The following THAP1 variants were observed in gnomAD, a reference collection of about 807,000 sequenced individuals.
The protein encoded by THAP1 is THAP domain containing 1, also known as THAP domain-containing protein 1.
In THAP1, 6 loss-of-function variants were observed where a neutral mutation model predicts 18.2. The ratio of observed to expected loss-of-function variants is 0.33; its 90% CI spans 0.18 to 0.65. THAP1 has a LOEUF of 0.65. Ranked by LOEUF, THAP1 falls within the 30% of genes least tolerant of loss-of-function variation. The probability of loss-of-function intolerance (pLI) is 0.74; values close to 1 mark genes in which losing one functional copy is unlikely to be tolerated. For missense variants in THAP1, 176 were observed against 253.0 expected, an observed-to-expected ratio of 0.70 and a Z score of 2.06; for synonymous variants, 85 against 90.5, an observed-to-expected ratio of 0.94 and a Z score of 0.34.
intron 2 of THAP1, 108 bp from the exon 3 acceptor site, chr8:42,838,444 T>C: frequency 2.8e-6 from 4 of 1,446,232 alleles, no homozygotes; most frequent in Non-Finnish European, 3.8e-6. Flanking sequence ...CTAGTACTTT[T>C]GTGAGGAAGA....
At chr8:42,839,522 C>A in intron 1 of THAP1, 141 bp from the exon 2 acceptor site, 1 of 880,184 alleles carries the variant, frequency 1.1e-6, no homozygotes. Context: ...AAGATTAGCT[C>A]TAGTTATCTA....
chr8:42,838,174 G>A lies in THAP1; in HGVS notation c.430C>T (p.His144Tyr). ...AGCTGATGAATCCTTTTCCGCTGGTGCATTGTATCCTCCACAGTATAGTTG... is the reference window on the plus strand; with the variant it reads ...AGCTGATGAATCCTTTTCCGCTGGTACATTGTATCCTCCACAGTATAGTTG... ...DHNYTVEDTMHQRKRIHQLEQ... is the reference protein window; with the variant it reads ...DHNYTVEDTMYQRKRIHQLEQ... Residue 144 changes from histidine (H) to tyrosine (Y), a missense_variant, in exon 3 of 3, where the codon CAC becomes TAC. By Grantham distance (83) the His-to-Tyr change is moderately conservative. Transcript: ENST00000254250. 1 of 1,614,108 alleles carries A rather than the reference G, an allele frequency of 6.2e-7. No homozygotes were observed. Among genetic ancestry groups the A allele is most frequent in the Non-Finnish European group, 8.5e-7 (1 of 1,180,038 alleles).
rs1281868483 is a variant in THAP1 at position 42,837,200 on chromosome 8, C to T, written c.*762G>A. ...GAAAAAAGCGTATCATAGATCAGGT[C>T]CCAGTTTTAATTACTTCATTGATGA... On this transcript the variant is annotated 3_prime_UTR_variant, in exon 3 of 3. Coordinates refer to ENST00000254250, the MANE Select transcript of THAP1 (RefSeq NM_018105.3). The T allele has an allele frequency of 6.6e-6, 1 of 152,072 alleles. No homozygotes were observed. Among genetic ancestry groups the T allele is most frequent in the Non-Finnish European group, 1.5e-5 (1 of 68,018 alleles). 9.4% of individuals were successfully genotyped at this position (152,072 alleles called of 1,614,324 possible). A position where few individuals can be genotyped will look rare whatever the true frequency, so the allele number is the denominator to read the frequency against.
chr8:42,842,938 A>C, intron 1 of THAP1, 86 bp downstream of exon 1: 4 of 965,360 alleles, frequency 4.1e-6, no homozygotes, highest in East Asian at 5.1e-5. Context: ...TCGCGCGGAC[A>C]CGCGCCTGGC....
rs181590307 is a variant in THAP1 at position 42,836,886 on chromosome 8, A to T, written c.*1076T>A. ...CACAAAGAACAGAACTCACAGTTTG[A>T]ACAGAAACCTCAGTGTTTAAATCTC... On this transcript the variant is annotated 3_prime_UTR_variant, in exon 3 of 3. Coordinates refer to ENST00000254250, the MANE Select transcript of THAP1 (RefSeq NM_018105.3). The T allele has an allele frequency of 6.6e-6, 1 of 152,412 alleles. No homozygotes were observed. The highest frequency in any genetic ancestry group is 1.9e-4 in the East Asian group (1 of 5,192). The allele number at this position is 152,412 out of a possible 1,614,324, so 9.4% of individuals were successfully genotyped here. A position where few individuals can be genotyped will look rare whatever the true frequency, so the allele number is the denominator to read the frequency against.
At chr8:42,842,316 A>G (rs1484182196) in intron 1 of THAP1, among the ~76,000 whole-genome samples, 2 of 152,220 alleles carry the variant, frequency 1.3e-5, no homozygotes, top group Admixed American at 1.3e-4. Context: ...CCTACTGGAT[A>G]AGACAGCTCT....
In THAP1 at chr8:42,843,006, G is replaced by A. The variant is rs562399150; in HGVS notation, c.71+18C>T. ...ACCCCGGCTGAGACCGGCCCCGCGA[G>A]GCGCGCAGGGTCCTCACTTGTGGAA... On this transcript the variant is annotated intron_variant, in intron 1 of 2. Coordinates refer to ENST00000254250, the MANE Select transcript of THAP1 (RefSeq NM_018105.3). 29 of 1,605,164 alleles carry A rather than the reference G, an allele frequency of 1.8e-5. No homozygotes were observed. Among genetic ancestry groups the A allele is most frequent in the Non-Finnish European group, 2.4e-5 (28 of 1,175,282 alleles).
chr8:42,842,741 C>A (rs879934131), intron 1 of THAP1: 2 of 177,316 alleles, frequency 1.1e-5, no homozygotes, highest in Admixed American at 1.2e-4. Context: ...CCACCCTAGG[C>A]ATCGCCCGTG....
intron 1 of THAP1, 67 bp from the exon 2 acceptor site, chr8:42,839,448 C>A (rs1489050746): frequency 1.8e-5 from 28 of 1,524,708 alleles, no homozygotes; most frequent in Non-Finnish European, 2.5e-5. Context: ...CCCAAACTTT[C>A]CAGCTTAGGA....
At position 42,836,871 on chromosome 8, in the gene THAP1, A is replaced by G. The variant is rs1802622805; in HGVS notation, c.*1091T>C. On this transcript the variant is annotated 3_prime_UTR_variant, in exon 3 of 3. Transcript: ENST00000254250. ...ATATGTAAAATTTCTCACAAAGAAC[A>G]GAACTCACAGTTTGAACAGAAACCT... 1 of 152,324 alleles carries G rather than the reference A, an allele frequency of 6.6e-6. No individual in the cohort carries two copies. The highest frequency in any genetic ancestry group is 6.5e-5 in the Admixed American group (1 of 15,288). The allele number at this position is 152,324 out of a possible 1,614,324, so 9.4% of individuals were successfully genotyped here.
At chr8:42,842,864 G>T (rs965399242) in intron 1 of THAP1, 160 bp downstream of exon 1, 2 of 409,812 alleles carry the variant, frequency 4.9e-6, no homozygotes, top group East Asian at 9.1e-5. Flanking sequence ...CGATCGGGCG[G>T]CGGTTCCCAG....
At position 42,837,827 on chromosome 8, in the gene THAP1, ATTTT is replaced by A. The variant is rs893250848; in HGVS notation, c.*131_*134del. Reference sequence around the variant, plus strand: ...TTTATAATTTTACAGTATATATAGAATTTTTTTTAAAAAAATATTCTGAACTGTT... The same window carrying A: ...TTTATAATTTTACAGTATATATAGAATTTTAAAAAAATATTCTGAACTGTT... On this transcript the variant is annotated 3_prime_UTR_variant, in exon 3 of 3. Transcript: ENST00000254250. The A allele has an allele frequency of 4.1e-6, 4 of 973,974 alleles. No homozygotes were observed. Among genetic ancestry groups the A allele is most frequent in the Non-Finnish European group, 5.6e-6 (4 of 710,052 alleles). 60.3% of individuals were successfully genotyped at this position (973,974 alleles called of 1,614,324 possible). A position where few individuals can be genotyped will look rare whatever the true frequency, so the allele number is the denominator to read the frequency against.
At chr8:42,840,839 C>T (rs1382524039) in intron 1 of THAP1, among the ~76,000 whole-genome samples, 1 of 151,910 alleles carries the variant, frequency 6.6e-6, no homozygotes, top group East Asian at 1.9e-4. Context: ...TGGTGGTGCA[C>T]ACCTGTAGTC....
chr8:42,840,135 C>T (rs1023470624), intron 1 of THAP1, among the ~76,000 whole-genome samples: 13 of 152,052 alleles, frequency 8.5e-5, no homozygotes, highest in East Asian at 1.9e-4. Context: ...GTCAAGGCTG[C>T]GGTGAGCTGA....
At chr8:42,838,365 A>C (rs753062454) in intron 2 of THAP1, 29 bp from the exon 3 acceptor site, 1 of 1,610,948 alleles carries the variant, frequency 6.2e-7, no homozygotes, top group South Asian at 1.1e-5. Flanking sequence ...GTATGTTTGA[A>C]TTTAGTAACT....
At chr8:42,842,143 G>A (rs1418485940) in intron 1 of THAP1, among the ~76,000 whole-genome samples, 1 of 152,134 alleles carries the variant, frequency 6.6e-6, no homozygotes, top group Non-Finnish European at 1.5e-5. Context: ...AGGAATTCTT[G>A]CAAAGAAAAC....
rs1394228956 is a variant in THAP1 at position 42,837,973 on chromosome 8, C to T, written c.631G>A (p.Val211Ile). The T allele has an allele frequency of 6.2e-7, 1 of 1,613,188 alleles. No homozygotes were observed. Among genetic ancestry groups the T allele is most frequent in the Non-Finnish European group, 8.5e-7 (1 of 1,180,004 alleles). The change falls in exon 3 of 3, where the codon GTA (valine) becomes ATA (isoleucine). Residue 211 changes from valine to isoleucine, a missense_variant. By Grantham distance (29) the Val-to-Ile change is conservative. Coordinates refer to ENST00000254250, the MANE Select transcript of THAP1 (RefSeq NM_018105.3). ...CACATTTCATTTTTTTATGCTGGTA[C>T]TTCAACTATTTCAAAGTAGTCATTT... ...LPNDYFEIVE[V>I]PA
chr8:42,839,140 A>G (rs778036542), intron 2 of THAP1, 46 bp downstream of exon 2: 1 of 1,594,116 alleles, frequency 6.3e-7, no homozygotes, highest in African/African-American at 1.3e-5. Context: ...TGAACACATC[A>G]GTTTGATAAA....
Position 42,839,239 on chromosome 8 carries a change from G to GT in THAP1, c.213dup (p.Leu72ThrfsTer14), listed in dbSNP as rs772552734. 6.2e-7 allele frequency: 1 copy of GT among 1,614,080 alleles called. No homozygotes were observed. Among genetic ancestry groups the GT allele is most frequent in the Non-Finnish European group, 8.5e-7 (1 of 1,180,012 alleles). On this transcript the variant is annotated frameshift_variant, in exon 2 of 3. Transcript: ENST00000254250. LOFTEE classifies it high-confidence loss of function. ...ATTGTGGGCACAGCATTCTCTTTCA[G>GT]TAACTTGTTGTTGCACTCTCTCTTA...
Sources: allele counts gnomAD v4.1 joint callset (sites outside exome capture counted in the v4.1 genomes callset), GRCh38; gene constraint gnomAD v4.1.1; transcripts MANE v1.5; gene names NCBI Gene and HGNC (gene_info 2026-07-23, HGNC 2026-07-21).